The following ROBO2 variants were observed in gnomAD, a reference collection of about 807,000 sequenced individuals.
ROBO2 encodes roundabout guidance receptor 2.
A neutral mutation model predicts 160.8 loss-of-function variants in ROBO2; 53 were observed. The ratio of observed to expected loss-of-function variants is 0.33; its 90% confidence interval spans 0.26 to 0.41. The LOEUF (loss-of-function observed/expected upper bound fraction) is 0.41. ROBO2 is among the 10% of genes least tolerant of loss of function. The pLI is 1.00. For missense variants in ROBO2, 1,577 were observed against 1,722.4 expected (o/e 0.92, Z 1.49); for synonymous variants, 664 against 611.7 (o/e 1.09, Z -1.26).
At chr3:77,169,035 CA>C (rs2150724238) in intron 2 of ROBO2, among the ~76,000 whole-genome samples, 1 of 152,260 alleles carries the variant, frequency 6.6e-6, no homozygotes, top group Non-Finnish European at 1.5e-5. Flanking sequence ...AAGACTTAAG[CA>C]CAAAGTAAGG....
chr3:77,126,594 A>G (rs2075330817), intron 2 of ROBO2, among the ~76,000 whole-genome samples: 1 of 151,996 alleles, frequency 6.6e-6, no homozygotes, highest in South Asian at 2.1e-4. Context: ...ATTCATTTGT[A>G]CGTTGTCCAA....
At chr3:76,911,159 T>C (rs2075970079) in intron 2 of ROBO2, among the ~76,000 whole-genome samples, 1 of 152,254 alleles carries the variant, frequency 6.6e-6, no homozygotes, top group East Asian at 1.9e-4. Context: ...ATTTTCAGGA[T>C]GAAAAACATA....
chr3:76,820,167 ACAATTTC>A (rs947606672), intron 2 of ROBO2, among the ~76,000 whole-genome samples: 1 of 152,034 alleles, frequency 6.6e-6, no homozygotes, highest in Non-Finnish European at 1.5e-5. Flanking sequence ...TTGAAGCATC[ACAATTTC>A]AAGTACAATT....
intron 13 of ROBO2, 116 bp from the exon 15 acceptor site, chr3:77,574,383 A>G: frequency 3.6e-6 from 3 of 827,412 alleles, no homozygotes; most frequent in East Asian, 2.6e-5. Context: ...AAGTCATGAC[A>G]TCACTCAGTT....
intron 2 of ROBO2, among the ~76,000 whole-genome samples, chr3:76,870,825 A>G (rs2071959552): frequency 1.3e-5 from 2 of 152,106 alleles, no homozygotes; most frequent in East Asian, 3.9e-4. Context: ...CACTCTGCCA[A>G]TTGCTTCATT....
At chr3:77,360,649 CAT>C (rs939586062) in intron 2 of ROBO2, among the ~76,000 whole-genome samples, 6 of 150,856 alleles carry the variant, frequency 4.0e-5, no homozygotes, top group African/African-American at 7.3e-5. Context: ...AAAACTGTAA[CAT>C]GTGGTTTGCA....
At chr3:77,126,311 T>C (rs1328140066) in intron 2 of ROBO2, among the ~76,000 whole-genome samples, 1 of 152,106 alleles carries the variant, frequency 6.6e-6, no homozygotes, top group Non-Finnish European at 1.5e-5. Flanking sequence ...GAAGTTCGAA[T>C]TGGTTACCTA....
Position 76,115,412 on chromosome 3 carries a change from G to T in ROBO2, c.109+177810G>T, listed in dbSNP as rs145776924. 6.5e-3 allele frequency among the ~76,000 whole-genome samples: 985 copies of T among 152,150 alleles called. 7 individuals carry two copies. Among genetic ancestry groups the T allele is most frequent in the Non-Finnish European group, 9.4e-3 (637 of 67,986 alleles). ...ATTTTCATCCTCAGCACCATGGGAG[G>T]TGCCTCAAATAGAATCTGTAAGTAA... On this transcript the variant is annotated intron_variant, in intron 2 of 26. Coordinates refer to the ROBO2 transcript ENST00000487694.
intron 2 of ROBO2, among the ~76,000 whole-genome samples, chr3:76,318,617 T>A (rs1266410626): frequency 1.3e-5 from 2 of 152,072 alleles, no homozygotes; most frequent in African/African-American, 4.8e-5. Flanking sequence ...GAATGCATAG[T>A]TAAGATTGTG....
At chr3:76,610,953 G>A (rs988602574) in intron 2 of ROBO2, among the ~76,000 whole-genome samples, 1 of 152,194 alleles carries the variant, frequency 6.6e-6, no homozygotes, top group African/African-American at 2.4e-5. Flanking sequence ...ATTTTATTGA[G>A]TGACAGAAGG....
At chr3:76,323,836 T>A (rs904919899) in intron 2 of ROBO2, among the ~76,000 whole-genome samples, 4 of 152,202 alleles carry the variant, frequency 2.6e-5, no homozygotes, top group Admixed American at 2.6e-4. Flanking sequence ...TTGTTGCCAG[T>A]CAATCTAAAA....
chr3:76,861,674 T>G (rs2070793768), intron 2 of ROBO2, among the ~76,000 whole-genome samples: 1 of 152,208 alleles, frequency 6.6e-6, no homozygotes, highest in Non-Finnish European at 1.5e-5. Context: ...AACTACCTAC[T>G]GAACAACTCT....
chr3:76,816,577 T>A (rs1041780351), intron 2 of ROBO2, among the ~76,000 whole-genome samples: 50 of 152,020 alleles, frequency 3.3e-4, no homozygotes, highest in African/African-American at 1.2e-3. Flanking sequence ...CTCAAGTATG[T>A]GTGGCTTGCT....
chr3:76,765,612 C>T (rs1010303901), intron 2 of ROBO2, among the ~76,000 whole-genome samples: 2 of 151,688 alleles, frequency 1.3e-5, no homozygotes, highest in Admixed American at 6.6e-5. Context: ...ACAATGAGAC[C>T]TTCCTGTTGG....
chr3:76,941,396 C>A lies in ROBO2; in HGVS notation c.110-156618C>A, dbSNP rs573469627. On this transcript the variant is annotated intron_variant, in intron 2 of 26. Coordinates refer to the ROBO2 transcript ENST00000487694. Reference sequence around the variant, plus strand: ...TTATATATTAAATGTTTAGAGTATACCCCACTATAATACAAATTCTTCACC... The same window carrying A: ...TTATATATTAAATGTTTAGAGTATAACCCACTATAATACAAATTCTTCACC... 1.1e-4 allele frequency among the ~76,000 whole-genome samples: 16 copies of A among 152,020 alleles called. No homozygotes were observed. In the South Asian group the frequency reaches 3.3e-3, roughly 32 times the overall value.
intron 4 of ROBO2, among the ~76,000 whole-genome samples, chr3:77,487,163 G>C (rs1482692548): frequency 1.3e-5 from 2 of 152,070 alleles, no homozygotes; most frequent in Non-Finnish European, 2.9e-5. Flanking sequence ...CACACCTTAA[G>C]AAGTATCTGT....
intron 2 of ROBO2, among the ~76,000 whole-genome samples, chr3:76,691,034 A>G (rs1429538739): frequency 6.6e-6 from 1 of 152,102 alleles, no homozygotes; most frequent in Non-Finnish European, 1.5e-5. Flanking sequence ...AGGCTGGACA[A>G]CATAGCAAAG....
intron 12 of ROBO2, 118 bp downstream of exon 13, chr3:77,565,238 A>T: frequency 8.7e-7 from 1 of 1,149,756 alleles, no homozygotes; most frequent in Non-Finnish European, 1.3e-6. Flanking sequence ...ATGGCTCACT[A>T]GGCTTTATCC....
chr3:77,533,516 A>G (rs2091896912), intron 6 of ROBO2, among the ~76,000 whole-genome samples: 2 of 152,152 alleles, frequency 1.3e-5, no homozygotes, highest in South Asian at 4.1e-4. Context: ...GTTTTTCGGA[A>G]TCTGGTTCCT....
Sources: gnomAD v4.1 joint callset for allele counts (sites outside exome capture counted in the v4.1 genomes callset) on GRCh38, gnomAD v4.1.1 for gene constraint, MANE v1.5 for transcripts, NCBI Gene and HGNC (gene_info 2026-07-23, HGNC 2026-07-21) for gene names.